The following SLC25A22 variants were observed in gnomAD, a reference collection of about 807,000 sequenced individuals.
The protein encoded by SLC25A22 is mitochondrial glutamate carrier 1.
SLC25A22 carries 23 observed loss-of-function variants against 33.7 expected under a neutral mutation model. The observed-to-expected ratio is 0.68, with a 90% CI of 0.49 to 0.97. The LOEUF (loss-of-function observed/expected upper bound fraction) is 0.97. SLC25A22 is among the 50% of genes least tolerant of loss of function. SLC25A22 has a pLI of 0.00. For missense variants in SLC25A22, 390 were observed against 451.1 expected (o/e 0.86, Z 1.23); for synonymous variants, 245 against 203.8 (o/e 1.20, Z -1.72).
intron 1 of SLC25A22, chr11:795,447 G>C (rs552601301): frequency 3.1e-6 from 1 of 320,834 alleles, no homozygotes; most frequent in South Asian, 2.3e-5. Flanking sequence ...ACCCCAGCCA[G>C]CTCCGGCTTT....
rs17156066 is a variant in SLC25A22 at position 791,002 on chromosome 11, C to T, written c.*913G>A. ...GCACCCTCAGGCTCCACACTGGTCC[C>T]AATGCCCGCCCTGCTCCCTGGCCAA... is the stretch of plus-strand genomic sequence containing the variant. On this transcript the variant is annotated 3_prime_UTR_variant, in exon 10 of 10. Coordinates refer to ENST00000628067, the MANE Select transcript of SLC25A22 (RefSeq NM_001191061.2). 5.3e-5 allele frequency: 8 copies of T among 152,240 alleles called. No individual in the cohort carries two copies. In the East Asian group the frequency reaches 1.5e-3, roughly 29 times the overall value. The allele number at this position is 152,240 out of a possible 1,614,324, so 9.4% of individuals were successfully genotyped here. A position where few individuals can be genotyped will look rare whatever the true frequency, so the allele number is the denominator to read the frequency against.
rs111728015 is a variant in SLC25A22 at position 793,971 on chromosome 11, G to C, written c.203-352C>G. 8.1e-3 allele frequency: 3,834 copies of C among 473,930 alleles called. 131 individuals are homozygous for C. The highest frequency in any genetic ancestry group is 0.067 in the African/African-American group (3,402 of 50,834). The allele number at this position is 473,930 out of a possible 1,614,324, so 29.4% of individuals were successfully genotyped here. Reference sequence around the variant, plus strand: ...TGGTGCTTGTGCTGGCAGGGGGCTGGGGCCAGAGGTCACAGGAGTGTGTGG... The same window carrying C: ...TGGTGCTTGTGCTGGCAGGGGGCTGCGGCCAGAGGTCACAGGAGTGTGTGG... On this transcript the variant is annotated intron_variant, in intron 4 of 9. Transcript: ENST00000628067.
chr11:796,844 C>G (rs1864851321), intron 1 of SLC25A22, among the ~76,000 whole-genome samples: 1 of 152,208 alleles, frequency 6.6e-6, no homozygotes, highest in Non-Finnish European at 1.5e-5. Flanking sequence ...CACCACCCGT[C>G]CCACTCAGGG....
intron 1 of SLC25A22, among the ~76,000 whole-genome samples, chr11:795,860 C>G (rs893761491): frequency 1.3e-5 from 2 of 152,054 alleles, no homozygotes; most frequent in Admixed American, 6.5e-5. Flanking sequence ...TTCTGAGGCC[C>G]CCTGTGGCTG....
At chr11:793,025 A>G in intron 5 of SLC25A22, 37 bp from the exon 6 acceptor site, 1 of 1,598,816 alleles carries the variant, frequency 6.3e-7, no homozygotes, top group Non-Finnish European at 8.5e-7. Context: ...GTGGGAAGAG[A>G]CAGGTCTACC....
Position 791,009 on chromosome 11 carries a change from C to T in SLC25A22, c.*906G>A, listed in dbSNP as rs118051043. ...CAGGCTCCACACTGGTCCCAATGCC[C>T]GCCCTGCTCCCTGGCCAATCCCAGG... On this transcript the variant is annotated 3_prime_UTR_variant, in exon 10 of 10. Transcript: ENST00000628067. The T allele has an allele frequency of 0.09, 13,668 of 152,308 alleles. 750 individuals carry two copies. Among genetic ancestry groups the T allele is most frequent in the Non-Finnish European group, 0.13 (9,013 of 68,050 alleles). 9.4% of individuals were successfully genotyped at this position (152,308 alleles called of 1,614,324 possible). A position where few individuals can be genotyped will look rare whatever the true frequency, so the allele number is the denominator to read the frequency against.
chr11:796,540 G>A (rs117220114), intron 1 of SLC25A22, among the ~76,000 whole-genome samples: 3,763 of 152,226 alleles, frequency 0.025, 62 homozygotes, highest in Non-Finnish European at 0.038. Flanking sequence ...ATCTGTCTAG[G>A]GCTGGTACTC....
rs200072903 is a variant in SLC25A22, at chr11:792,368, G to A, written c.678C>T (p.Tyr226=). 394 of 1,613,150 alleles carry A rather than the reference G, an allele frequency of 2.4e-4. No homozygotes were observed. Among genetic ancestry groups the A allele is most frequent in the Non-Finnish European group, 3.2e-4 (372 of 1,179,950 alleles). ...RPASEEKSPF[Y]VSFLAGCVAG... is the part of the protein sequence containing the mutation. ...CCACACAGCCGGCCAGGAAGGACAC[G>A]TAGAAAGGCGACTTCTCCTCGGACG... is the stretch of plus-strand genomic sequence containing the variant. The change falls in exon 8 of 10, where the codon TAC becomes TAT. Residue 226 remains tyrosine, a synonymous_variant. Transcript: ENST00000628067.
chr11:797,525 C>T (rs1864894290), intron 1 of SLC25A22: 2 of 397,736 alleles, frequency 5.0e-6, no homozygotes, highest in Non-Finnish European at 8.8e-6. Context: ...AGCAGGAGAG[C>T]AGAGACCACC....
At chr11:793,351 A>C in intron 5 of SLC25A22, 178 bp downstream of exon 5, 1 of 663,496 alleles carries the variant, frequency 1.5e-6, no homozygotes, top group East Asian at 2.7e-5. Context: ...CTGATTTGAC[A>C]TCTGCTTTGC....
Position 791,609 on chromosome 11 carries a change from GC to G in SLC25A22, c.*305del, listed in dbSNP as rs1864519902. The G allele has an allele frequency of 2.2e-6, 1 of 454,360 alleles. No individual in the cohort carries two copies. The highest frequency in any genetic ancestry group is 3.8e-5 in the Admixed American group (1 of 26,520). 28.1% of individuals were successfully genotyped at this position (454,360 alleles called of 1,614,324 possible). A position where few individuals can be genotyped will look rare whatever the true frequency, so the allele number is the denominator to read the frequency against. ...CCCGGCCCAGGCCCGGGGGCCCCCA[GC>G]CCAGAGACCAGCTCTGTCCCTGGGG... On this transcript the variant is annotated 3_prime_UTR_variant, in exon 10 of 10. Transcript: ENST00000628067.
chr11:796,608 G>A (rs754005140), intron 1 of SLC25A22, among the ~76,000 whole-genome samples: 10 of 152,218 alleles, frequency 6.6e-5, no homozygotes, highest in Non-Finnish European at 1.3e-4. Flanking sequence ...CAGGGAATCC[G>A]GTGCTGTGGA....
rs1311958221 is a variant in SLC25A22, at chr11:794,176, G to A, written c.202+282C>T. On this transcript the variant is annotated intron_variant, in intron 4 of 9. Coordinates refer to ENST00000628067, the MANE Select transcript of SLC25A22 (RefSeq NM_001191061.2). Reference sequence around the variant, plus strand: ...AAACGGGGTCCAGCCTGGCCCAGAAGGCAGAGGCAGCTGTGGCCACCAGAG... The same window carrying A: ...AAACGGGGTCCAGCCTGGCCCAGAAAGCAGAGGCAGCTGTGGCCACCAGAG... 14 of 688,426 alleles carry A rather than the reference G, an allele frequency of 2.0e-5. 1 individual carries two copies. Among genetic ancestry groups the A allele is most frequent in the South Asian group, 1.1e-4 (7 of 66,488 alleles). 42.6% of individuals were successfully genotyped at this position (688,426 alleles called of 1,614,324 possible).
chr11:793,977 G>A (rs1428785577), intron 4 of SLC25A22: 1 of 471,542 alleles, frequency 2.1e-6, no homozygotes, highest in African/African-American at 2.0e-5. Flanking sequence ...GCTGGGGCCA[G>A]AGGTCACAGG....
At chr11:794,272 G>A (rs888570328) in intron 4 of SLC25A22, 186 bp downstream of exon 4, 7 of 758,730 alleles carry the variant, frequency 9.2e-6, no homozygotes, top group South Asian at 5.9e-5. Context: ...CACGGGAGAG[G>A]CTGAGAACTA....
In SLC25A22 at chr11:795,415, C is replaced by T. The variant is rs1317365992; in HGVS notation, c.-163-246G>A. The T allele has an allele frequency of 1.1e-5, 4 of 380,896 alleles. No individual in the cohort carries two copies. The Admixed American group carries it at 1.1e-4, about 11-fold the overall frequency. The allele number at this position is 380,896 out of a possible 1,614,324, so 23.6% of individuals were successfully genotyped here. On this transcript the variant is annotated intron_variant, in intron 1 of 9. Transcript: ENST00000628067. ...TCTTCCCAGCCAGCCTCACACGCCG[C>T]TCACGCTCGGGGCTCACGTGCACCC... is the stretch of plus-strand genomic sequence containing the variant.
At chr11:795,194 G>A in intron 1 of SLC25A22, 25 bp from the exon 2 acceptor site, 2 of 748,728 alleles carry the variant, frequency 2.7e-6, no homozygotes, top group Non-Finnish European at 4.6e-6. Context: ...GAATGGGAAT[G>A]AGTGAGGGTG....
chr11:796,302 G>C lies in SLC25A22; in HGVS notation c.-163-1133C>G, dbSNP rs773251214. 17 of 151,728 alleles carry C rather than the reference G, an allele frequency of 1.1e-4. 1 individual carries two copies. Among genetic ancestry groups the C allele is most frequent in the Non-Finnish European group, 1.5e-4 (10 of 67,982 alleles). 9.4% of individuals were successfully genotyped at this position (151,728 alleles called of 1,614,324 possible). On this transcript the variant is annotated intron_variant, in intron 1 of 9. Coordinates refer to ENST00000628067, the MANE Select transcript of SLC25A22 (RefSeq NM_001191061.2). ...CCGCAGGGATTGGCCGTGGGGCGGG[G>C]TGGGGCGGGCTTGGGTGGGGGGGCA...
At chr11:794,943 G>A (rs1290444123) in intron 2 of SLC25A22, 42 bp from the exon 3 acceptor site, 5 of 1,563,016 alleles carry the variant, frequency 3.2e-6, no homozygotes, top group Non-Finnish European at 4.3e-6. Context: ...CTTGACCATG[G>A]GTCAGGGTGG....
Sources: allele counts gnomAD v4.1 joint callset (sites outside exome capture counted in the v4.1 genomes callset), GRCh38; gene constraint gnomAD v4.1.1; transcripts MANE v1.5; gene names NCBI Gene and HGNC (gene_info 2026-07-23, HGNC 2026-07-21).